Variants in NCAM2 observed in about 807,000 individuals in gnomAD.
NCAM2 encodes the protein N-CAM-2.
A neutral mutation model predicts 98.1 loss-of-function variants in NCAM2; 30 were observed. The ratio of observed to expected loss-of-function variants is 0.31; its 90% CI spans 0.23 to 0.41. The LOEUF (loss-of-function observed/expected upper bound fraction) is 0.41, where lower values mean the gene tolerates loss of function less well. Among genes scored for constraint, NCAM2 ranks in the 10% least tolerant of loss-of-function variants. NCAM2 has a pLI of 1.00. For missense variants in NCAM2, 867 were observed against 1,005.8 expected (o/e 0.86, Z 1.87); for synonymous variants, 368 against 342.4 (o/e 1.07, Z -0.83).
intron 16 of NCAM2, among the ~76,000 whole-genome samples, chr21:21,519,961 A>G (rs1212708972): frequency 6.6e-6 from 1 of 152,126 alleles, no homozygotes; most frequent in Non-Finnish European, 1.5e-5. Context: ...AGAAAAAAAA[A>G]TTAAGATCAG....
At chr21:21,534,753 T>C (rs531314953) in intron 17 of NCAM2, 97 bp downstream of exon 17, 1 of 1,124,828 alleles carries the variant, frequency 8.9e-7, no homozygotes, top group East Asian at 3.2e-5. Flanking sequence ...ATTAATTATT[T>C]GTAAAAGAAT....
chr21:21,429,550 G>A (rs2077285200), intron 11 of NCAM2, among the ~76,000 whole-genome samples: 1 of 152,176 alleles, frequency 6.6e-6, no homozygotes, highest in South Asian at 2.1e-4. Context: ...GGGGATCCGT[G>A]TGCATTTGTT....
At chr21:21,001,353 TTAATGTA>T (rs1399417344) in intron 1 of NCAM2, among the ~76,000 whole-genome samples, 1 of 152,206 alleles carries the variant, frequency 6.6e-6, no homozygotes, top group African/African-American at 2.4e-5. Flanking sequence ...CACTGCAAGA[TTAATGTA>T]TAATGAAGTA....
intron 9 of NCAM2, among the ~76,000 whole-genome samples, chr21:21,382,465 A>G (rs1167052774): frequency 6.7e-6 from 1 of 148,816 alleles, no homozygotes; most frequent in African/African-American, 2.5e-5. Context: ...TTACCCCATC[A>G]TCTCGTTTCT....
At chr21:21,048,395 C>T (rs1202798331) in intron 1 of NCAM2, among the ~76,000 whole-genome samples, 2 of 152,108 alleles carry the variant, frequency 1.3e-5, no homozygotes, top group African/African-American at 4.8e-5. Flanking sequence ...CTCTGTCACC[C>T]AGACTGGAGT....
chr21:21,189,225 T>A (rs1434146028), intron 1 of NCAM2, among the ~76,000 whole-genome samples: 2 of 152,194 alleles, frequency 1.3e-5, no homozygotes, highest in Non-Finnish European at 2.9e-5. Context: ...CTATTTTTAA[T>A]GTTTTGTTCA....
In NCAM2 at chr21:21,010,110, A is replaced by G. The variant is rs530060682; in HGVS notation, c.55+11492A>G. On this transcript the variant is annotated intron_variant, in intron 1 of 17. Coordinates refer to ENST00000400546, the MANE Select transcript of NCAM2 (RefSeq NM_004540.5). ...AACTGGAAACACAGTTTGCAATTAA[A>G]GAAATTACTAGTGCTTCTGATTTAT... Among the ~76,000 whole-genome samples, 26 of 152,198 alleles carry G rather than the reference A, an allele frequency of 1.7e-4. No homozygotes were observed. In the South Asian group the frequency reaches 5.4e-3, roughly 32 times the overall value.
intron 8 of NCAM2, among the ~76,000 whole-genome samples, chr21:21,342,532 G>A (rs972181884): frequency 4.6e-5 from 7 of 152,150 alleles, no homozygotes; most frequent in African/African-American, 1.7e-4. Context: ...TCTAAGAGCA[G>A]CCTGCTGTCT....
chr21:21,190,608 C>T (rs993257854), intron 1 of NCAM2, among the ~76,000 whole-genome samples: 46 of 152,190 alleles, frequency 3.0e-4, no homozygotes, highest in African/African-American at 1.0e-3. Flanking sequence ...GGAATCTTCC[C>T]AGTTCTCTTC....
At chr21:21,536,747 G>T (rs2146435096) in intron 17 of NCAM2, among the ~76,000 whole-genome samples, 1 of 152,222 alleles carries the variant, frequency 6.6e-6, no homozygotes, top group Non-Finnish European at 1.5e-5. Flanking sequence ...TGTTAAGGGA[G>T]AAAAACCCAT....
chr21:21,430,351 T>C (rs1366773864), intron 11 of NCAM2, among the ~76,000 whole-genome samples: 2 of 140,698 alleles, frequency 1.4e-5, no homozygotes, highest in South Asian at 2.4e-4. Context: ...ATGACTGATA[T>C]AAGAATTGAA....
intron 1 of NCAM2, among the ~76,000 whole-genome samples, chr21:21,131,564 C>G (rs1157647288): frequency 6.6e-6 from 1 of 152,224 alleles, no homozygotes; most frequent in Non-Finnish European, 1.5e-5. Context: ...TGAGCCACCA[C>G]TCCTGGCTGG....
intron 1 of NCAM2, among the ~76,000 whole-genome samples, chr21:21,098,783 A>G (rs2066177910): frequency 6.6e-6 from 1 of 151,866 alleles, no homozygotes; most frequent in Non-Finnish European, 1.5e-5. Flanking sequence ...AAAAAGATGC[A>G]TTTTTTAAGT....
At chr21:21,407,002 C>G (rs2076752040) in intron 9 of NCAM2, among the ~76,000 whole-genome samples, 1 of 152,124 alleles carries the variant, frequency 6.6e-6, no homozygotes, top group South Asian at 2.1e-4. Flanking sequence ...ATGTGTTTCT[C>G]TAACCACCAG....
chr21:21,473,972 C>G (rs1984820832), intron 14 of NCAM2, among the ~76,000 whole-genome samples: 1 of 150,314 alleles, frequency 6.7e-6, no homozygotes, highest in Non-Finnish European at 1.5e-5. Context: ...TTTTCAGTAG[C>G]TGCCCTTCAA....
chr21:21,061,363 A>C (rs1467261148), intron 1 of NCAM2, among the ~76,000 whole-genome samples: 1 of 152,180 alleles, frequency 6.6e-6, no homozygotes, highest in Non-Finnish European at 1.5e-5. Context: ...ATTTTCTGTC[A>C]TCAGGTGGTA....
At chr21:21,259,670 C>T in intron 1 of NCAM2, among the ~76,000 whole-genome samples, 1 of 152,052 alleles carries the variant, frequency 6.6e-6, no homozygotes, top group East Asian at 1.9e-4. Context: ...ATTACTGAGA[C>T]CTCTGCACCC....
intron 1 of NCAM2, among the ~76,000 whole-genome samples, chr21:21,039,409 C>T (rs927259996): frequency 5.3e-5 from 8 of 152,106 alleles, no homozygotes; most frequent in African/African-American, 1.7e-4. Context: ...TTAACATCAA[C>T]GCATTATATA....
intron 15 of NCAM2, among the ~76,000 whole-genome samples, chr21:21,480,128 A>G (rs1985704766): frequency 6.6e-6 from 1 of 152,056 alleles, no homozygotes; most frequent in African/African-American, 2.4e-5. Flanking sequence ...GCACTTTGGG[A>G]GGCCGAGGCG....
Sources: gnomAD v4.1 joint callset for allele counts (sites outside exome capture counted in the v4.1 genomes callset) on GRCh38, gnomAD v4.1.1 for gene constraint, MANE v1.5 for transcripts, NCBI Gene and HGNC (gene_info 2026-07-23, HGNC 2026-07-21) for gene names.